CYP4V2: variants seen among roughly 807,000 people sequenced by gnomAD.
CYP4V2 encodes the protein cytochrome P450 4V2.
Under a neutral mutation model 60.8 loss-of-function variants are expected in CYP4V2, and 55 were observed. That is an observed-to-expected ratio of 0.90 (90% confidence interval 0.73 to 1.13). The LOEUF (loss-of-function observed/expected upper bound fraction) is 1.13. Ranked by LOEUF, CYP4V2 falls within the 50% of genes most tolerant of loss-of-function variation. The pLI, the probability that CYP4V2 is intolerant of heterozygous loss-of-function variation, is 0.00. For synonymous variants in CYP4V2, 239 were observed against 236.8 expected (o/e 1.01, Z -0.08); for missense variants, 675 against 662.9 (o/e 1.02, Z -0.20).
chr4:186,194,286 T>G (rs1253989088), intron 1 of CYP4V2, among the ~76,000 whole-genome samples: 5 of 152,248 alleles, frequency 3.3e-5, no homozygotes, highest in Non-Finnish European at 7.3e-5. Flanking sequence ...GTGTGTTTAT[T>G]TGCTGTGGCA....
At chr4:186,209,941 T>G (rs940667509) in intron 10 of CYP4V2, among the ~76,000 whole-genome samples, 25 of 152,386 alleles carry the variant, frequency 1.6e-4, no homozygotes, top group African/African-American at 5.5e-4. Flanking sequence ...ACCTAATTTT[T>G]GTGTTTATTG....
At chr4:186,205,091 G>T in intron 7 of CYP4V2, 109 bp from the exon 8 acceptor site, 1 of 1,006,232 alleles carries the variant, frequency 9.9e-7, no homozygotes, top group Non-Finnish European at 1.6e-6. Context: ...TATGTTTGCA[G>T]TCACAGTGCA....
intron 1 of CYP4V2, among the ~76,000 whole-genome samples, chr4:186,192,526 A>G (rs1277999602): frequency 1.3e-5 from 2 of 152,148 alleles, no homozygotes; most frequent in Non-Finnish European, 1.5e-5. Flanking sequence ...TTCCCGCTTG[A>G]CCTTCATACT....
chr4:186,209,408 C>A, intron 10 of CYP4V2, 136 bp downstream of exon 10: 2 of 1,099,032 alleles, frequency 1.8e-6, no homozygotes, highest in Non-Finnish European at 2.7e-6. Context: ...TTTCTTTTTT[C>A]CCTCACTGTG....
At chr4:186,192,992 A>C (rs533478820) in intron 1 of CYP4V2, among the ~76,000 whole-genome samples, 1 of 152,202 alleles carries the variant, frequency 6.6e-6, no homozygotes, top group South Asian at 2.1e-4. Flanking sequence ...TGTAATTTCA[A>C]CTTCACAAGA....
At chr4:186,197,362 CAG>C in intron 4 of CYP4V2, 169 bp from the exon 5 acceptor site, 2 of 852,032 alleles carry the variant, frequency 2.3e-6, no homozygotes, top group East Asian at 2.6e-5. Flanking sequence ...AGAACAGGAA[CAG>C]GGAGTAGAAG....
rs564082243 is a variant in CYP4V2 at position 186,194,440 on chromosome 4, C to T, written c.215-60C>T. The stretch of plus-strand genomic sequence containing the variant: ...TCAAAATGAGAAAACAAACCTTTGT[C>T]CAATACTGGTCACAACTTTCTCATC... On this transcript the variant is annotated intron_variant, in intron 1 of 10. Coordinates refer to ENST00000378802, the MANE Select transcript of CYP4V2 (RefSeq NM_207352.4). 283 of 1,409,268 alleles carry T rather than the reference C, an allele frequency of 2.0e-4. No homozygotes were observed. The African/African-American group carries it at 3.7e-3, about 18-fold the overall frequency. The allele number at this position is 1,409,268 out of a possible 1,614,324, so 87.3% of individuals were successfully genotyped here. A position where few individuals can be genotyped will look rare whatever the true frequency, so the allele number is the denominator to read the frequency against.
chr4:186,197,647 AG>A, intron 5 of CYP4V2, 45 bp downstream of exon 5: 3 of 1,592,250 alleles, frequency 1.9e-6, no homozygotes, highest in Non-Finnish European at 2.6e-6. Context: ...TTATTGATTT[AG>A]GCTTTAAAAA....
Position 186,197,562 on chromosome 4 carries a change from C to T in CYP4V2, c.634C>T (p.Gln212Ter), listed in dbSNP as rs1468395314. 8 of 1,614,064 alleles carry T rather than the reference C, an allele frequency of 5.0e-6. No individual in the cohort carries two copies. Among genetic ancestry groups the T allele is most frequent in the African/African-American group, 1.3e-5 (1 of 74,916 alleles). Residue 212 changes from glutamine to a stop codon, truncating the protein, a stop_gained, in exon 5 of 11, where the codon CAA (glutamine) becomes TAA (stop). Coordinates refer to ENST00000378802, the MANE Select transcript of CYP4V2 (RefSeq NM_207352.4). LOFTEE classifies it high-confidence loss of function. Reference protein sequence around the residue: ...ETAMGKNIGAQSNDDSEYVRA... With the variant: ...ETAMGKNIGA The stretch of plus-strand genomic sequence containing the variant: ...AGCTATGGGGAAGAATATTGGTGCT[C>T]AAAGTAATGATGATTCCGAGTATGT...
Position 186,197,592 on chromosome 4 carries a change from G to T in CYP4V2, c.664G>T (p.Ala222Ser), listed in dbSNP as rs1736190560. The change falls in exon 5 of 11, where the codon GCA becomes TCA. Residue 222 changes from alanine to serine, a missense_variant. Coordinates refer to ENST00000378802, the MANE Select transcript of CYP4V2 (RefSeq NM_207352.4). The part of the protein sequence containing the change: ...QSNDDSEYVR[A>S]VYRMSEMIFR... ...TAATGATGATTCCGAGTATGTCCGT[G>T]CAGTTTATAGGTAAATGGAGTCCTT... 6.2e-7 allele frequency: 1 copy of T among 1,614,156 alleles called. No homozygotes were observed. The highest frequency in any genetic ancestry group is 2.2e-5 in the East Asian group (1 of 44,888).
intron 8 of CYP4V2, among the ~76,000 whole-genome samples, chr4:186,208,664 A>G (rs970248742): frequency 6.7e-6 from 1 of 149,276 alleles, no homozygotes; most frequent in Non-Finnish European, 1.5e-5. Flanking sequence ...TTTAGCATCC[A>G]GTACCTTGAT....
Position 186,194,598 on chromosome 4 carries a change from G to A in CYP4V2, c.313G>A (p.Ala105Thr), listed in dbSNP as rs777576473. 1 of 1,613,932 alleles carries A rather than the reference G, an allele frequency of 6.2e-7. No individual in the cohort carries two copies. Among genetic ancestry groups the A allele is most frequent in the East Asian group, 2.2e-5 (1 of 44,872 alleles). The change falls in exon 2 of 11, where the codon GCA becomes ACA. Residue 105 changes from alanine (A) to threonine (T), a missense_variant. By Grantham distance (58) the Ala-to-Thr change is moderately conservative. Transcript: ENST00000378802. Reference protein sequence around the residue: ...GPVPMVALYNAENVEVILTSS... With the variant: ...GPVPMVALYNTENVEVILTSS... ...AGTGCCCATGGTGGCCCTTTATAAT[G>A]CAGAAAATGTGGAGGTGGGTACATG... is the stretch of plus-strand genomic sequence containing the variant.
Position 186,199,053 on chromosome 4 carries a change from C to G in CYP4V2, c.771C>G (p.Ser257Arg). 1 of 1,613,948 alleles carries G rather than the reference C, an allele frequency of 6.2e-7. No homozygotes were observed. The highest frequency in any genetic ancestry group is 8.5e-7 in the Non-Finnish European group (1 of 1,179,864). The change falls in exon 6 of 11, where the codon AGC (serine) becomes AGG (arginine). Residue 257 changes from serine (S) to arginine (R), a missense_variant. Transcript: ENST00000378802. ...MFKEGWEHKKSLQILHTFTNS... is the reference protein window; with the variant it reads ...MFKEGWEHKKRLQILHTFTNS... ...AAGAAGGATGGGAACACAAAAAGAG[C>G]CTTCAGATCCTACATACTTTTACCA...
Position 186,191,736 on chromosome 4 carries a change from G to T in CYP4V2, c.-88G>T, listed in dbSNP as rs13133834. The T allele has an allele frequency of 8.1e-7, 1 of 1,231,084 alleles. No homozygotes were observed. The highest frequency in any genetic ancestry group is 4.2e-5 in the Admixed American group (1 of 23,692). The allele number at this position is 1,231,084 out of a possible 1,614,324, so 76.3% of individuals were successfully genotyped here. A position where few individuals can be genotyped will look rare whatever the true frequency, so the allele number is the denominator to read the frequency against. ...GCGCGCCAGGTCCGCGCGGGGAAGT[G>T]GGCGGTGTGCGGCCGGCACCGCCTC... On this transcript the variant is annotated 5_prime_UTR_variant, in exon 1 of 11. Coordinates refer to ENST00000378802, the MANE Select transcript of CYP4V2 (RefSeq NM_207352.4).
At chr4:186,196,744 A>G (rs1283533606) in intron 3 of CYP4V2, 196 bp from the exon 4 acceptor site, 4 of 575,608 alleles carry the variant, frequency 6.9e-6, no homozygotes, top group Admixed American at 3.3e-5. Flanking sequence ...TTTTGTAACT[A>G]TAGATGAATA....
intron 8 of CYP4V2, 121 bp downstream of exon 8, chr4:186,205,423 T>A (rs1407352636): frequency 3.0e-6 from 3 of 1,007,006 alleles, no homozygotes; most frequent in Non-Finnish European, 4.7e-6. Context: ...TCCAGTACCA[T>A]CCCCTTTGCA....
At chr4:186,207,821 C>T (rs544940568) in intron 8 of CYP4V2, among the ~76,000 whole-genome samples, 1 of 152,252 alleles carries the variant, frequency 6.6e-6, no homozygotes, top group South Asian at 2.1e-4. Flanking sequence ...GCCCTGGAAG[C>T]CTGTGATTTA....
chr4:186,204,246 G>A (rs552117955), intron 7 of CYP4V2: 3 of 163,964 alleles, frequency 1.8e-5, no homozygotes, highest in African/African-American at 7.4e-5. Context: ...AAGAGGTGGC[G>A]GTGGAGACGC....
Position 186,196,933 on chromosome 4 carries a change from T to C in CYP4V2, c.414-7T>C, listed in dbSNP as rs376204847. The C allele has an allele frequency of 1.0e-4, 165 of 1,612,110 alleles. No individual in the cohort carries two copies. Among genetic ancestry groups the C allele is most frequent in the Middle Eastern group, 2.0e-4 (1 of 4,996 alleles). On this transcript the variant is annotated splice_polypyrimidine_tract_variant and splice_region_variant and intron_variant, in intron 3 of 10. Coordinates refer to ENST00000378802, the MANE Select transcript of CYP4V2 (RefSeq NM_207352.4). ...ATATTTTTTGTAACCACATATTTTATTTCTAGTACTGGAAACAAATGGCGC... is the reference window on the plus strand; with the variant it reads ...ATATTTTTTGTAACCACATATTTTACTTCTAGTACTGGAAACAAATGGCGC...
Sources: gnomAD v4.1 joint callset for allele counts (sites outside exome capture counted in the v4.1 genomes callset) on GRCh38, gnomAD v4.1.1 for gene constraint, MANE v1.5 for transcripts, NCBI Gene and HGNC (gene_info 2026-07-23, HGNC 2026-07-21) for gene names.